ZNF804B: variants seen among roughly 807,000 people sequenced by gnomAD.
ZNF804B encodes zinc finger protein 804B.
In ZNF804B, 80 loss-of-function variants were observed where a neutral mutation model predicts 101.4. The observed-to-expected ratio is 0.79, with a 90% CI of 0.66 to 0.95. The LOEUF is 0.95. Among genes scored for constraint, ZNF804B ranks in the 40% least tolerant of loss-of-function variants. The pLI, the probability that ZNF804B is intolerant of heterozygous loss-of-function variation, is 0.00. For synonymous variants in ZNF804B, 622 were observed against 558.8 expected, an observed-to-expected ratio of 1.11 and a Z score of -1.59; for missense variants, 1,673 against 1,561.9, an observed-to-expected ratio of 1.07 and a Z score of -1.20.
chr7:88,857,262 A>G (rs959419005), intron 1 of ZNF804B, among the ~76,000 whole-genome samples: 2 of 152,198 alleles, frequency 1.3e-5, no homozygotes, highest in Admixed American at 6.5e-5. Flanking sequence ...AACTAAGATC[A>G]GAGCAGAACT....
chr7:88,942,519 TG>T (rs1431768163), intron 1 of ZNF804B, among the ~76,000 whole-genome samples: 1 of 150,626 alleles, frequency 6.6e-6, no homozygotes, highest in Non-Finnish European at 1.5e-5. Context: ...TGTGTGTGTG[TG>T]TGTGTGTGTG....
At chr7:89,285,435 A>G (rs1451117043) in intron 2 of ZNF804B, among the ~76,000 whole-genome samples, 1 of 147,214 alleles carries the variant, frequency 6.8e-6, no homozygotes, top group Non-Finnish European at 1.5e-5. Context: ...AGGCAGGAGA[A>G]TGGCATGAAC....
intron 2 of ZNF804B, among the ~76,000 whole-genome samples, chr7:89,313,268 T>G (rs1369893194): frequency 6.6e-6 from 1 of 152,218 alleles, no homozygotes; most frequent in East Asian, 1.9e-4. Flanking sequence ...GGTTAATAAT[T>G]TTGACCTTTT....
chr7:88,804,673 G>A (rs1790657686), intron 1 of ZNF804B, among the ~76,000 whole-genome samples: 1 of 151,872 alleles, frequency 6.6e-6, no homozygotes, highest in Admixed American at 6.6e-5. Flanking sequence ...TATTATGATT[G>A]GAGTAATATC....
intron 1 of ZNF804B, among the ~76,000 whole-genome samples, chr7:88,848,068 A>C (rs1583973836): frequency 6.6e-6 from 1 of 152,162 alleles, no homozygotes; most frequent in Non-Finnish European, 1.5e-5. Flanking sequence ...CAATGGCTGG[A>C]AACATTTTTG....
At chr7:89,019,511 T>G (rs1268923324) in intron 1 of ZNF804B, among the ~76,000 whole-genome samples, 1 of 152,074 alleles carries the variant, frequency 6.6e-6, no homozygotes, top group Non-Finnish European at 1.5e-5. Context: ...TATCGTGCAC[T>G]GTAACTTTGA....
intron 2 of ZNF804B, among the ~76,000 whole-genome samples, chr7:89,293,767 C>T (rs972787503): frequency 8.1e-5 from 12 of 148,782 alleles, no homozygotes; most frequent in South Asian, 2.1e-4. Flanking sequence ...CCAGCCTGGG[C>T]GACAGAGTGA....
intron 1 of ZNF804B, among the ~76,000 whole-genome samples, chr7:89,069,958 A>T (rs566805954): frequency 6.6e-5 from 10 of 152,342 alleles, no homozygotes; most frequent in African/African-American, 2.2e-4. Flanking sequence ...TTAGTGCTTG[A>T]TAAATGGTAC....
intron 1 of ZNF804B, among the ~76,000 whole-genome samples, chr7:88,783,055 G>A (rs1277883229): frequency 6.6e-6 from 1 of 152,086 alleles, no homozygotes; most frequent in African/African-American, 2.4e-5. Flanking sequence ...TATAGAAACT[G>A]TGGAAATCAT....
chr7:89,020,199 G>C (rs1788643795), intron 1 of ZNF804B, among the ~76,000 whole-genome samples: 1 of 151,962 alleles, frequency 6.6e-6, no homozygotes, highest in Non-Finnish European at 1.5e-5. Context: ...CTGTCTTTTT[G>C]CTTCCAGATG....
At chr7:89,042,841 G>T (rs563710108) in intron 1 of ZNF804B, among the ~76,000 whole-genome samples, 2 of 152,164 alleles carry the variant, frequency 1.3e-5, no homozygotes, top group African/African-American at 4.8e-5. Context: ...TTTTTTCATA[G>T]ATCTGAGTAT....
chr7:88,985,330 C>A (rs971258583), intron 1 of ZNF804B, among the ~76,000 whole-genome samples: 1 of 151,366 alleles, frequency 6.6e-6, no homozygotes, highest in Non-Finnish European at 1.5e-5. Context: ...AAGATATAAT[C>A]TCAGAATAAA....
intron 1 of ZNF804B, among the ~76,000 whole-genome samples, chr7:89,001,207 TTC>T (rs1446407903): frequency 6.7e-6 from 1 of 150,324 alleles, no homozygotes; most frequent in Middle Eastern, 3.5e-3. Flanking sequence ...ATGTAAAGTG[TTC>T]TCACCACAAA....
chr7:89,119,184 A>G (rs1562889338), intron 1 of ZNF804B, among the ~76,000 whole-genome samples: 1 of 152,186 alleles, frequency 6.6e-6, no homozygotes, highest in Non-Finnish European at 1.5e-5. Flanking sequence ...AGTATCATTA[A>G]TGGTGGTTTT....
intron 1 of ZNF804B, among the ~76,000 whole-genome samples, chr7:88,920,847 A>G (rs1792709049): frequency 6.6e-6 from 1 of 152,104 alleles, no homozygotes; most frequent in South Asian, 2.1e-4. Context: ...AAAATTAGAT[A>G]TCATCCCTAT....
intron 1 of ZNF804B, among the ~76,000 whole-genome samples, chr7:89,045,784 T>C (rs776783088): frequency 6.6e-4 from 100 of 152,276 alleles, no homozygotes; most frequent in Middle Eastern, 6.8e-3. Context: ...CATAGGCTCT[T>C]AGGTGGAAGG....
chr7:88,912,621 G>A (rs1421553377), intron 1 of ZNF804B, among the ~76,000 whole-genome samples: 1 of 152,048 alleles, frequency 6.6e-6, no homozygotes, highest in Non-Finnish European at 1.5e-5. Flanking sequence ...TATCTCCAAA[G>A]TTTATGTTTT....
At chr7:89,240,318 T>G (rs1789347910) in intron 2 of ZNF804B, among the ~76,000 whole-genome samples, 1 of 152,104 alleles carries the variant, frequency 6.6e-6, no homozygotes, top group East Asian at 1.9e-4. Flanking sequence ...GATACTGCAA[T>G]AGAAAGGCTA....
At chr7:88,875,103 G>C (rs1261741980) in intron 1 of ZNF804B, among the ~76,000 whole-genome samples, 1 of 135,162 alleles carries the variant, frequency 7.4e-6, no homozygotes, top group Non-Finnish European at 1.5e-5. Context: ...GATGTTCTTT[G>C]AAACCAATGA....
Sources: gnomAD v4.1 joint callset for allele counts (sites outside exome capture counted in the v4.1 genomes callset) on GRCh38, gnomAD v4.1.1 for gene constraint, MANE v1.5 for transcripts, NCBI Gene and HGNC (gene_info 2026-07-23, HGNC 2026-07-21) for gene names.